LRP1B: variants seen among roughly 807,000 people sequenced by gnomAD.
The protein encoded by LRP1B is low-density lipoprotein receptor-related protein 1B.
LRP1B carries 217 observed loss-of-function variants against 556.6 expected under a neutral mutation model. That is an observed-to-expected ratio of 0.39 (90% CI 0.35 to 0.44). The LOEUF is 0.44. Ranked by LOEUF, LRP1B falls within the 20% of genes least tolerant of loss-of-function variation. The pLI is 1.00. For missense variants in LRP1B, 5,053 were observed against 5,620.8 expected (o/e 0.90, Z 3.23); for synonymous variants, 2,047 against 1,865.8 (o/e 1.10, Z -2.50).
chr2:141,214,194 A>C (rs1280661295), intron 6 of LRP1B, among the ~76,000 whole-genome samples: 1 of 152,180 alleles, frequency 6.6e-6, no homozygotes, highest in Non-Finnish European at 1.5e-5. Flanking sequence ...CATAACTTCA[A>C]TTCTCCCAAG....
chr2:141,331,226 C>T (rs551172876), intron 3 of LRP1B, among the ~76,000 whole-genome samples: 30 of 152,314 alleles, frequency 2.0e-4, no homozygotes, highest in African/African-American at 7.0e-4. Flanking sequence ...AGTTTCTAAG[C>T]AGCAGTATGA....
chr2:140,627,913 G>A (rs1292572479), intron 41 of LRP1B, among the ~76,000 whole-genome samples: 1 of 152,104 alleles, frequency 6.6e-6, no homozygotes, highest in South Asian at 2.1e-4. Context: ...GACAAACTAG[G>A]CTTTTCTGCC....
chr2:141,166,256 C>A (rs1214792756), intron 7 of LRP1B, among the ~76,000 whole-genome samples: 1 of 151,904 alleles, frequency 6.6e-6, no homozygotes, highest in Non-Finnish European at 1.5e-5. Flanking sequence ...TGCTTCTGCT[C>A]TCTACGTTCT....
intron 41 of LRP1B, among the ~76,000 whole-genome samples, chr2:140,620,802 C>A (rs1437915023): frequency 1.3e-5 from 2 of 151,830 alleles, no homozygotes; most frequent in Admixed American, 1.3e-4. Flanking sequence ...TTTCCTTATC[C>A]CTTAAAATCA....
At chr2:141,890,390 A>ATATGTATT (rs375936846) in intron 1 of LRP1B, among the ~76,000 whole-genome samples, 3 of 135,966 alleles carry the variant, frequency 2.2e-5, no homozygotes, top group South Asian at 2.3e-4. Flanking sequence ...ATACATATAT[A>ATATGTATT]GTGTATATAT....
intron 77 of LRP1B, among the ~76,000 whole-genome samples, chr2:140,345,799 CATAT>C (rs540859997): frequency 7.3e-6 from 1 of 136,554 alleles, no homozygotes; most frequent in African/African-American, 2.7e-5. Flanking sequence ...CACATATATA[CATAT>C]ATACACATAT....
intron 60 of LRP1B, among the ~76,000 whole-genome samples, chr2:140,463,647 T>C (rs1454596550): frequency 6.6e-6 from 1 of 152,204 alleles, no homozygotes; most frequent in Non-Finnish European, 1.5e-5. Flanking sequence ...TGATAGAATA[T>C]TGAAAGTTTA....
At chr2:142,090,804 T>C (rs576674686) in intron 1 of LRP1B, among the ~76,000 whole-genome samples, 1 of 152,246 alleles carries the variant, frequency 6.6e-6, no homozygotes, top group Non-Finnish European at 1.5e-5. Context: ...TTTAAGTGGA[T>C]ATATAGTTTC....
intron 1 of LRP1B, among the ~76,000 whole-genome samples, chr2:141,844,575 C>T (rs11902392): frequency 0.36 from 55,295 of 151,752 alleles, 10,187 homozygotes; most frequent in African/African-American, 0.42. Context: ...GATAAATAAA[C>T]GAGCAAACTT....
intron 3 of LRP1B, among the ~76,000 whole-genome samples, chr2:141,411,063 C>T (rs1415926807): frequency 6.6e-6 from 1 of 151,848 alleles, no homozygotes; most frequent in Non-Finnish European, 1.5e-5. Flanking sequence ...GTTTTAGTGT[C>T]CATTCCTAAG....
intron 2 of LRP1B, among the ~76,000 whole-genome samples, chr2:141,531,725 T>C (rs901249384): frequency 1.3e-5 from 2 of 152,138 alleles, no homozygotes; most frequent in African/African-American, 2.4e-5. Context: ...TGATTCAGTA[T>C]GGTCAAACAA....
At chr2:140,686,818 C>T (rs1375367531) in intron 41 of LRP1B, among the ~76,000 whole-genome samples, 2 of 151,792 alleles carry the variant, frequency 1.3e-5, no homozygotes, top group Non-Finnish European at 2.9e-5. Flanking sequence ...TCTATGGGAA[C>T]AGCATATGTA....
intron 43 of LRP1B, among the ~76,000 whole-genome samples, chr2:140,543,374 GT>G (rs71408461): frequency 0.47 from 70,662 of 151,650 alleles, 17,121 homozygotes; most frequent in South Asian, 0.59. Flanking sequence ...TAAAAACTGG[GT>G]TTTTTTATGT....
rs1205987566 is a variant in LRP1B at position 142,130,959 on chromosome 2, G to A, written c.-230C>T. 20 of 580,958 alleles carry A rather than the reference G, an allele frequency of 3.4e-5. No homozygotes were observed. The East Asian group carries it at 4.6e-4, about 13-fold the overall frequency. 36.0% of individuals were successfully genotyped at this position (580,958 alleles called of 1,614,324 possible). On this transcript the variant is annotated 5_prime_UTR_variant, in exon 1 of 91. The change creates a new upstream start codon in the 5' untranslated region. Transcript: ENST00000389484. The stretch of plus-strand genomic sequence containing the variant: ...GCGTGCGGGAGAGAGGAGGCAGAGC[G>A]TGTGTGAGCGCGAGCGAGACGCCCG...
chr2:141,539,528 A>T (rs1001919500), intron 2 of LRP1B, among the ~76,000 whole-genome samples: 3 of 152,290 alleles, frequency 2.0e-5, no homozygotes, highest in African/African-American at 7.2e-5. Context: ...TTCTTCAGAT[A>T]TTTATGACTC....
intron 7 of LRP1B, among the ~76,000 whole-genome samples, chr2:141,083,901 C>T (rs776592366): frequency 2.5e-4 from 38 of 152,150 alleles, no homozygotes; most frequent in Non-Finnish European, 4.9e-4. Flanking sequence ...TCTTTATAAC[C>T]AGTTTCAGGA....
intron 43 of LRP1B, among the ~76,000 whole-genome samples, chr2:140,576,240 C>T (rs1329236910): frequency 6.6e-6 from 1 of 152,152 alleles, no homozygotes; most frequent in Non-Finnish European, 1.5e-5. Flanking sequence ...ATTTCTAACT[C>T]TAGACTTTGC....
chr2:140,442,448 G>A, intron 66 of LRP1B, 56 bp downstream of exon 66: 1 of 1,567,474 alleles, frequency 6.4e-7, no homozygotes, highest in Non-Finnish European at 8.6e-7. Flanking sequence ...AACTGTGGTT[G>A]TCGCAGATGA....
intron 15 of LRP1B, among the ~76,000 whole-genome samples, chr2:141,003,532 A>T (rs1697485064): frequency 6.6e-6 from 1 of 152,052 alleles, no homozygotes; most frequent in Admixed American, 6.6e-5. Flanking sequence ...TCTCATGATA[A>T]TGAATAAGAC....
Sources: gnomAD v4.1 joint callset for allele counts (sites outside exome capture counted in the v4.1 genomes callset) on GRCh38, gnomAD v4.1.1 for gene constraint, MANE v1.5 for transcripts, NCBI Gene and HGNC (gene_info 2026-07-23, HGNC 2026-07-21) for gene names.